DLC1: variants seen among roughly 807,000 people sequenced by gnomAD.
The protein encoded by DLC1 is DLC1 Rho GTPase activating protein, also known as rho GTPase-activating protein 7.
In DLC1, 54 loss-of-function variants were observed where a neutral mutation model predicts 140.3. The ratio of observed to expected loss-of-function variants is 0.38; its 90% CI spans 0.31 to 0.48. The LOEUF (loss-of-function observed/expected upper bound fraction) is 0.48. Among genes scored for constraint, DLC1 ranks in the 20% least tolerant of loss-of-function variants. DLC1 has a pLI of 0.96. For synonymous variants in DLC1, 986 were observed against 728.1 expected (o/e 1.35, Z -5.70); for missense variants, 2,536 against 1,907.0 (o/e 1.33, Z -6.14).
intron 5 of DLC1, among the ~76,000 whole-genome samples, chr8:13,281,713 G>A (rs999253288): frequency 1.3e-5 from 2 of 152,126 alleles, no homozygotes; most frequent in Non-Finnish European, 1.5e-5. Context: ...GCATAGTGTT[G>A]AATATATCTA....
At position 13,133,288 on chromosome 8, in the gene DLC1, C is replaced by A. The variant is rs1822280236; in HGVS notation, c.1349-17631G>T. 4 of 1,287,734 alleles carry A rather than the reference C, an allele frequency of 3.1e-6. No individual in the cohort carries two copies. In the East Asian group the frequency reaches 1.5e-4, roughly 50 times the overall value. 79.8% of individuals were successfully genotyped at this position (1,287,734 alleles called of 1,614,324 possible). On this transcript the variant is annotated intron_variant, in intron 5 of 17. Coordinates refer to ENST00000276297, the MANE Select transcript of DLC1 (RefSeq NM_182643.3). ...CCCTCGCTCGGGCAGTCGGAGCGAACTGTCTCCCGCGCGCTCCGCCAGCCG... is the reference window on the plus strand; with the variant it reads ...CCCTCGCTCGGGCAGTCGGAGCGAAATGTCTCCCGCGCGCTCCGCCAGCCG...
intron 5 of DLC1, among the ~76,000 whole-genome samples, chr8:13,162,249 T>C (rs1442695578): frequency 6.6e-6 from 1 of 152,204 alleles, no homozygotes; most frequent in South Asian, 2.1e-4. Context: ...ATTTTGGAAC[T>C]TGAAGAATAT....
intron 4 of DLC1, among the ~76,000 whole-genome samples, chr8:13,329,405 G>A (rs1833497585): frequency 6.6e-6 from 1 of 152,124 alleles, no homozygotes; most frequent in Non-Finnish European, 1.5e-5. Context: ...ATATATCCCT[G>A]TTGTTGATTC....
intron 5 of DLC1, among the ~76,000 whole-genome samples, chr8:13,223,007 C>A (rs561190197): frequency 1.4e-4 from 21 of 152,302 alleles, no homozygotes; most frequent in African/African-American, 5.1e-4. Flanking sequence ...CCCACCTCAG[C>A]CTCCCAAAGT....
chr8:13,463,258 T>C (rs898796372), intron 2 of DLC1, among the ~76,000 whole-genome samples: 3 of 152,094 alleles, frequency 2.0e-5, no homozygotes, highest in Non-Finnish European at 4.4e-5. Context: ...TACTGAAATT[T>C]GTATCTCGAT....
At chr8:13,193,501 C>T (rs1826876193) in intron 5 of DLC1, among the ~76,000 whole-genome samples, 2 of 152,154 alleles carry the variant, frequency 1.3e-5, no homozygotes, top group Non-Finnish European at 2.9e-5. Flanking sequence ...AGCATAACAA[C>T]TATGGCTGGA....
At chr8:13,161,332 T>TG (rs1554455290) in intron 5 of DLC1, among the ~76,000 whole-genome samples, 12 of 151,860 alleles carry the variant, frequency 7.9e-5, no homozygotes, top group Non-Finnish European at 1.2e-4. Context: ...TTGTGGGTTT[T>TG]TTTTGTTTTG....
chr8:13,538,084 C>G (rs1803354289), intron 1 of DLC1, among the ~76,000 whole-genome samples: 1 of 152,144 alleles, frequency 6.6e-6, no homozygotes, highest in Non-Finnish European at 1.5e-5. Context: ...TGCATATTTA[C>G]TTTGTGTTGA....
chr8:13,603,234 A>G (rs906035401), intron 1 of DLC1, among the ~76,000 whole-genome samples: 1 of 151,836 alleles, frequency 6.6e-6, no homozygotes, highest in Admixed American at 6.6e-5. Context: ...GACATCATTA[A>G]CTATGATTAA....
chr8:13,109,378 A>C (rs138527181), intron 7 of DLC1, among the ~76,000 whole-genome samples: 4,088 of 151,812 alleles, frequency 0.027, 184 homozygotes, highest in African/African-American at 0.094. Flanking sequence ...GCAACACAGC[A>C]AGACCGCATC....
At chr8:13,333,637 A>AC (rs762365803) in intron 4 of DLC1, among the ~76,000 whole-genome samples, 1 of 152,064 alleles carries the variant, frequency 6.6e-6, no homozygotes, top group Non-Finnish European at 1.5e-5. Flanking sequence ...TAACAGAACT[A>AC]CCCTTCATGT....
At chr8:13,255,579 C>G (rs1248538851) in intron 5 of DLC1, among the ~76,000 whole-genome samples, 2 of 152,158 alleles carry the variant, frequency 1.3e-5, no homozygotes, top group Non-Finnish European at 2.9e-5. Flanking sequence ...AAAACTACAG[C>G]TTTCTACTTT....
intron 5 of DLC1, among the ~76,000 whole-genome samples, chr8:13,129,294 C>G (rs1420931342): frequency 6.6e-6 from 1 of 152,318 alleles, no homozygotes; most frequent in African/African-American, 2.4e-5. Context: ...GAAATAGAGA[C>G]AGTTGTGAAA....
chr8:13,301,293 A>G (rs1212461007), intron 5 of DLC1, among the ~76,000 whole-genome samples: 1 of 151,950 alleles, frequency 6.6e-6, no homozygotes, highest in Non-Finnish European at 1.5e-5. Flanking sequence ...CAATCTTTGA[A>G]TTAATTCATT....
chr8:13,193,462 C>T (rs1826873432), intron 5 of DLC1, among the ~76,000 whole-genome samples: 1 of 152,074 alleles, frequency 6.6e-6, no homozygotes, highest in Non-Finnish European at 1.5e-5. Flanking sequence ...TAGTTTAGTG[C>T]CACATCTGTA....
intron 2 of DLC1, among the ~76,000 whole-genome samples, chr8:13,430,434 G>C (rs1398046130): frequency 3.9e-5 from 6 of 152,156 alleles, no homozygotes; most frequent in Non-Finnish European, 2.9e-5. Flanking sequence ...ATGGTTATTG[G>C]AGACCTTTCA....
chr8:13,597,005 A>G (rs1211052996), intron 1 of DLC1, among the ~76,000 whole-genome samples: 1 of 151,748 alleles, frequency 6.6e-6, no homozygotes, highest in Non-Finnish European at 1.5e-5. Flanking sequence ...TTTGAAGGAG[A>G]GATTGGCACT....
chr8:13,486,374 G>C (rs1585188818), intron 2 of DLC1, among the ~76,000 whole-genome samples: 1 of 152,076 alleles, frequency 6.6e-6, no homozygotes, highest in South Asian at 2.1e-4. Flanking sequence ...GTAGACAAAT[G>C]TCTGAAAGAG....
chr8:13,188,803 A>ATATATATATATATATATATATG (rs1563149511), intron 5 of DLC1, among the ~76,000 whole-genome samples: 14 of 41,434 alleles, frequency 3.4e-4, no homozygotes, highest in Non-Finnish European at 5.0e-4. Context: ...GTGTGTGTGT[A>ATATATATATATATATATATATG]TATATATATA....
Sources: allele counts gnomAD v4.1 joint callset (sites outside exome capture counted in the v4.1 genomes callset), GRCh38; gene constraint gnomAD v4.1.1; transcripts MANE v1.5; gene names NCBI Gene and HGNC (gene_info 2026-07-23, HGNC 2026-07-21).